Variants in ST8SIA6 observed in about 807,000 individuals in gnomAD.
ST8SIA6 encodes ST8 alpha-N-acetyl-neuraminide alpha-2,8-sialyltransferase 6, also known as alpha-2,8-sialyltransferase 8F.
Under a neutral mutation model 33.6 loss-of-function variants are expected in ST8SIA6, and 39 were observed. The ratio of observed to expected loss-of-function variants is 1.16; its 90% CI spans 0.90 to 1.52. The LOEUF (loss-of-function observed/expected upper bound fraction) is 1.52. Among genes scored for constraint, ST8SIA6 ranks in the 40% most tolerant of loss-of-function variants. The pLI, the probability that ST8SIA6 is intolerant of heterozygous loss-of-function variation, is 0.00. For missense variants in ST8SIA6, 441 were observed against 443.8 expected (o/e 0.99, Z 0.06); for synonymous variants, 172 against 167.2 (o/e 1.03, Z -0.22).
intron 4 of ST8SIA6, among the ~76,000 whole-genome samples, chr10:17,332,497 C>G (rs1045249736): frequency 6.6e-6 from 1 of 152,184 alleles, no homozygotes; most frequent in East Asian, 1.9e-4. Context: ...CAGAGTCTCA[C>G]TCAATCTCCC....
intron 2 of ST8SIA6, among the ~76,000 whole-genome samples, chr10:17,402,076 A>C (rs935716449): frequency 1.3e-5 from 2 of 152,208 alleles, no homozygotes; most frequent in African/African-American, 4.8e-5. Flanking sequence ...GAACACAAAC[A>C]AATTTACAAG....
intron 4 of ST8SIA6, among the ~76,000 whole-genome samples, chr10:17,344,380 A>T (rs1848768487): frequency 6.6e-6 from 1 of 152,232 alleles, no homozygotes; most frequent in Admixed American, 6.5e-5. Flanking sequence ...GAAGGCCAGG[A>T]GGAGCAAAGC....
intron 2 of ST8SIA6, among the ~76,000 whole-genome samples, chr10:17,409,150 T>C (rs1851366573): frequency 6.6e-6 from 1 of 152,170 alleles, no homozygotes; most frequent in Admixed American, 6.5e-5. Flanking sequence ...AATTTGAGTG[T>C]TTGAGATGGC....
At chr10:17,448,347 G>T (rs1051606947) in intron 2 of ST8SIA6, among the ~76,000 whole-genome samples, 1 of 152,136 alleles carries the variant, frequency 6.6e-6, no homozygotes, top group South Asian at 2.1e-4. Context: ...AACAGCAGTT[G>T]CTGTCCAGGA....
intron 3 of ST8SIA6, among the ~76,000 whole-genome samples, chr10:17,382,691 C>T (rs914224658): frequency 1.3e-5 from 2 of 152,086 alleles, no homozygotes; most frequent in Non-Finnish European, 2.9e-5. Context: ...ATCTTCAGGC[C>T]CCGTACAAGA....
At chr10:17,435,015 C>A (rs1852207890) in intron 2 of ST8SIA6, among the ~76,000 whole-genome samples, 1 of 152,132 alleles carries the variant, frequency 6.6e-6, no homozygotes, top group African/African-American at 2.4e-5. Flanking sequence ...AGGTTATTTT[C>A]AAAAATGGCC....
chr10:17,337,034 G>C (rs1460015085), intron 4 of ST8SIA6, among the ~76,000 whole-genome samples: 1 of 152,138 alleles, frequency 6.6e-6, no homozygotes, highest in East Asian at 1.9e-4. Context: ...TTGGAGGAGG[G>C]GCCCGGTGGG....
At chr10:17,404,086 AGAAT>A (rs1293972557) in intron 2 of ST8SIA6, among the ~76,000 whole-genome samples, 1 of 150,264 alleles carries the variant, frequency 6.7e-6, no homozygotes, top group Non-Finnish European at 1.5e-5. Flanking sequence ...AAAAAAAAAA[AGAAT>A]GGAGGCCATA....
At chr10:17,448,661 G>A (rs150176636) in intron 2 of ST8SIA6, among the ~76,000 whole-genome samples, 8,302 of 152,028 alleles carry the variant, frequency 0.055, 387 homozygotes, top group African/African-American at 0.12. Flanking sequence ...TGTCACCCAG[G>A]CTGGAGTGCA....
intron 2 of ST8SIA6, among the ~76,000 whole-genome samples, chr10:17,404,936 C>T (rs967788446): frequency 6.6e-6 from 1 of 152,142 alleles, no homozygotes; most frequent in African/African-American, 2.4e-5. Context: ...CAAAATAATT[C>T]TTATCCATAG....
chr10:17,405,589 T>G (rs1851226537), intron 2 of ST8SIA6, among the ~76,000 whole-genome samples: 1 of 148,568 alleles, frequency 6.7e-6, no homozygotes, highest in Non-Finnish European at 1.5e-5. Flanking sequence ...TGCTTAACCT[T>G]AAGAAAGTTA....
intron 2 of ST8SIA6, among the ~76,000 whole-genome samples, chr10:17,449,001 CAA>C (rs1852822869): frequency 6.6e-6 from 1 of 150,902 alleles, no homozygotes; most frequent in South Asian, 2.1e-4. Flanking sequence ...ATAAAATATT[CAA>C]AGTCTTCACC....
intron 7 of ST8SIA6, among the ~76,000 whole-genome samples, chr10:17,322,809 A>G (rs1848000354): frequency 6.6e-6 from 1 of 152,246 alleles, no homozygotes; most frequent in Non-Finnish European, 1.5e-5. Flanking sequence ...CATTATTGTT[A>G]AAAGAGATAA....
chr10:17,388,529 GAAT>G (rs1850465713), intron 3 of ST8SIA6, among the ~76,000 whole-genome samples: 1 of 152,146 alleles, frequency 6.6e-6, no homozygotes, highest in African/African-American at 2.4e-5. Flanking sequence ...GAGAGAAAGA[GAAT>G]TATTATTAGG....
At position 17,452,540 on chromosome 10, in the gene ST8SIA6, C is replaced by T. The variant is rs74903691; in HGVS notation, c.200+1019G>A. Reference sequence around the variant, plus strand: ...TTCGAGGAAGCAACTGACAATGTGACTTAGAATCTAAAGAGTACATACTCT... The same window carrying T: ...TTCGAGGAAGCAACTGACAATGTGATTTAGAATCTAAAGAGTACATACTCT... On this transcript the variant is annotated intron_variant, in intron 2 of 7. Coordinates refer to ENST00000377602, the MANE Select transcript of ST8SIA6 (RefSeq NM_001004470.3). 7.8e-3 allele frequency among the ~76,000 whole-genome samples: 1,195 copies of T among 152,294 alleles called. 12 individuals are homozygous for T. Among genetic ancestry groups the T allele is most frequent in the African/African-American group, 0.027 (1,139 of 41,562 alleles).
chr10:17,378,306 T>C (rs910129683), intron 3 of ST8SIA6, among the ~76,000 whole-genome samples: 1 of 152,190 alleles, frequency 6.6e-6, no homozygotes, highest in African/African-American at 2.4e-5. Context: ...CTCACTCAGG[T>C]GTTTTGCAAA....
At chr10:17,434,718 C>G (rs1852198974) in intron 2 of ST8SIA6, among the ~76,000 whole-genome samples, 1 of 151,672 alleles carries the variant, frequency 6.6e-6, no homozygotes, top group East Asian at 1.9e-4. Flanking sequence ...GAACCTGTGT[C>G]TGTAGGTGTT....
intron 4 of ST8SIA6, among the ~76,000 whole-genome samples, chr10:17,332,830 T>C (rs568317618): frequency 6.6e-6 from 1 of 152,242 alleles, no homozygotes; most frequent in Non-Finnish European, 1.5e-5. Flanking sequence ...ATGAGCTTTT[T>C]TTCATGTTTG....
chr10:17,410,106 A>T (rs527943035), intron 2 of ST8SIA6: 1 of 152,232 alleles, frequency 6.6e-6, no homozygotes, highest in Non-Finnish European at 1.5e-5. Context: ...TTAACATTCA[A>T]AACTGGAGAG....
Sources: allele counts gnomAD v4.1 joint callset (sites outside exome capture counted in the v4.1 genomes callset), GRCh38; gene constraint gnomAD v4.1.1; transcripts MANE v1.5; gene names NCBI Gene and HGNC (gene_info 2026-07-23, HGNC 2026-07-21).